Variants in CEP57L1 observed in about 807,000 individuals in gnomAD.
The protein encoded by CEP57L1 is centrosomal protein CEP57L1.
In CEP57L1, 37 loss-of-function variants were observed where a neutral mutation model predicts 61.0. The ratio of observed to expected loss-of-function variants is 0.61; its 90% CI spans 0.47 to 0.80. CEP57L1 has a LOEUF of 0.80. Ranked by LOEUF, CEP57L1 falls within the 30% of genes least tolerant of loss-of-function variation. The pLI is 0.00. For missense variants in CEP57L1, 422 were observed against 524.7 expected, an observed-to-expected ratio of 0.80 and a Z score of 1.91; for synonymous variants, 137 against 162.3, an observed-to-expected ratio of 0.84 and a Z score of 1.19.
intron 1 of CEP57L1, chr6:109,129,363 A>G: frequency 3.2e-6 from 4 of 1,236,254 alleles, no homozygotes; most frequent in Non-Finnish European, 4.2e-6. Context: ...CATTCTGGGA[A>G]CTGATCAGTC....
At chr6:109,129,383 C>G (rs1773933379) in intron 1 of CEP57L1, 1 of 1,162,604 alleles carries the variant, frequency 8.6e-7, no homozygotes, top group African/African-American at 1.6e-5. Flanking sequence ...CTTCCAGCTT[C>G]CAGTGTGGTG....
chr6:109,106,201 CT>C (rs753405104), intron 1 of CEP57L1: 8 of 152,198 alleles, frequency 5.3e-5, no homozygotes, highest in Admixed American at 2.6e-4. Context: ...ATCCCCACCC[CT>C]AACCCAGGTC....
At position 109,168,271 on chromosome 6, in the gene CEP57L1, A is replaced by G. The variant is rs1216620621; in HGVS notation, c.*5301A>G. ...TCAAAATGCCGGCCATAGCCAGTCT[A>G]TAATCCAATTCAAAGGCATGAGTGG... On this transcript the variant is annotated 3_prime_UTR_variant, in exon 11 of 11. Coordinates refer to ENST00000517392, the MANE Select transcript of CEP57L1 (RefSeq NM_001271852.3). Among the ~76,000 whole-genome samples, 2 of 152,232 alleles carry G rather than the reference A, an allele frequency of 1.3e-5. No homozygotes were observed. Among genetic ancestry groups the G allele is most frequent in the Admixed American group, 6.5e-5 (1 of 15,282 alleles).
At position 109,108,303 on chromosome 6, in the gene CEP57L1, C is replaced by T. The variant is rs186229852; in HGVS notation, c.-4+12728C>T. On this transcript the variant is annotated intron_variant, in intron 1 of 10. Transcript: ENST00000517392. ...TCACCCAGGGTGGAGTGCAGTGGCG[C>T]GATCTCAGCTCACTGCAACCTCTGC... 4.9e-3 allele frequency among the ~76,000 whole-genome samples: 740 copies of T among 150,852 alleles called. 4 individuals are homozygous for T. The highest frequency in any genetic ancestry group is 0.017 in the African/African-American group (685 of 41,018).
chr6:109,141,120 G>A (rs1349010807), intron 1 of CEP57L1, among the ~76,000 whole-genome samples: 1 of 151,440 alleles, frequency 6.6e-6, no homozygotes, highest in Non-Finnish European at 1.5e-5. Flanking sequence ...ATGAGCCACC[G>A]CGCCCAGCTG....
intron 1 of CEP57L1, among the ~76,000 whole-genome samples, chr6:109,096,783 C>T (rs559515250): frequency 5.7e-4 from 87 of 152,256 alleles, no homozygotes; most frequent in Middle Eastern, 6.8e-3. Flanking sequence ...AAAACCATTC[C>T]GTTTTCATCT....
chr6:109,098,890 G>C (rs944132037), intron 1 of CEP57L1, among the ~76,000 whole-genome samples: 2 of 152,292 alleles, frequency 1.3e-5, no homozygotes, highest in South Asian at 4.1e-4. Flanking sequence ...TAATAATCCA[G>C]GTGACAGAAT....
chr6:109,135,004 A>T (rs983982919), intron 1 of CEP57L1, among the ~76,000 whole-genome samples: 1 of 152,194 alleles, frequency 6.6e-6, no homozygotes, highest in African/African-American at 2.4e-5. Flanking sequence ...TAATTTATAG[A>T]TTCAATGCCA....
In CEP57L1 at chr6:109,162,807, A is replaced by G. The variant is rs1453780035; in HGVS notation, c.1220A>G (p.Gln407Arg). Residue 407 changes from glutamine to arginine, a missense_variant, in exon 11 of 11, where the codon CAG (glutamine) becomes CGG (arginine). Physicochemically the swap from Gln to Arg is conservative, Grantham distance 43. Transcript: ENST00000517392. ...AAGATGAGTGAAGCTTCAGGTATTC[A>G]GCAAGAAGACAGCTACCCTAAAGGA... ...NSKMSEASGI[Q>R]QEDSYPKGSK... 1.2e-6 allele frequency: 2 copies of G among 1,613,446 alleles called. No homozygotes were observed. The highest frequency in any genetic ancestry group is 3.3e-5 in the Admixed American group (2 of 59,988).
intron 4 of CEP57L1, among the ~76,000 whole-genome samples, chr6:109,151,849 G>A (rs887668829): frequency 6.6e-6 from 1 of 152,132 alleles, no homozygotes; most frequent in African/African-American, 2.4e-5. Flanking sequence ...GGATCTCATA[G>A]TTTCTAATCA....
At chr6:109,096,648 G>C (rs1194148652) in intron 1 of CEP57L1, among the ~76,000 whole-genome samples, 1 of 152,126 alleles carries the variant, frequency 6.6e-6, no homozygotes, top group Admixed American at 6.5e-5. Flanking sequence ...AGCTATTTTT[G>C]AATAGATGCA....
At chr6:109,153,307 T>G (rs970601839) in intron 4 of CEP57L1, among the ~76,000 whole-genome samples, 6 of 140,894 alleles carry the variant, frequency 4.3e-5, no homozygotes, top group African/African-American at 1.6e-4. Context: ...GGTAGCACAG[T>G]CACTGCTTAC....
rs59562316 is a variant in CEP57L1, at chr6:109,152,636, CGT to C, written c.463-1154_463-1153del. ...ACAAAATAGCATATAGATGTGCGTG[CGT>C]GTGTGTGTGTGTGTGTGTGTGTGTG... On this transcript the variant is annotated intron_variant, in intron 4 of 10. Coordinates refer to ENST00000517392, the MANE Select transcript of CEP57L1 (RefSeq NM_001271852.3). Among the ~76,000 whole-genome samples, 367 of 145,192 alleles carry C rather than the reference CGT, an allele frequency of 2.5e-3. 1 individual carries two copies. The highest frequency in any genetic ancestry group is 7.3e-3 in the African/African-American group (290 of 39,622).
At chr6:109,150,814 A>C (rs186622777) in intron 4 of CEP57L1, among the ~76,000 whole-genome samples, 1 of 152,270 alleles carries the variant, frequency 6.6e-6, no homozygotes, top group African/African-American at 2.4e-5. Context: ...AAAAGAAAAT[A>C]AGTACTGGTC....
At position 109,104,629 on chromosome 6, in the gene CEP57L1, C is replaced by T. The variant is rs149429004; in HGVS notation, c.-4+9054C>T. Among the ~76,000 whole-genome samples the T allele has an allele frequency of 1.1e-3, 164 of 152,196 alleles. 1 individual carries two copies. The highest frequency in any genetic ancestry group is 3.5e-3 in the African/African-American group (145 of 41,520). ...CAGAATCCCACTCTGTTGCCCAGAC[C>T]AGAGTGCAGTGGCACAATCACAGCC... On this transcript the variant is annotated intron_variant, in intron 1 of 10. Coordinates refer to ENST00000517392, the MANE Select transcript of CEP57L1 (RefSeq NM_001271852.3).
intron 1 of CEP57L1, among the ~76,000 whole-genome samples, chr6:109,123,897 C>T (rs565371825): frequency 1.3e-4 from 19 of 151,998 alleles, no homozygotes; most frequent in Non-Finnish European, 2.2e-4. Flanking sequence ...GGCGAAACCC[C>T]GTCTTTATTA....
intron 1 of CEP57L1, among the ~76,000 whole-genome samples, chr6:109,134,560 C>T (rs1464461292): frequency 6.6e-6 from 1 of 151,964 alleles, no homozygotes; most frequent in African/African-American, 2.4e-5. Context: ...AAGTTCTGGC[C>T]AGGGCAATCA....
At chr6:109,136,980 G>C (rs768427225) in intron 1 of CEP57L1, among the ~76,000 whole-genome samples, 10 of 151,868 alleles carry the variant, frequency 6.6e-5, no homozygotes, top group Non-Finnish European at 4.4e-5. Context: ...TGAACTCCTG[G>C]GGTCTCAAGC....
chr6:109,142,758 G>A (rs1184404701), intron 1 of CEP57L1, among the ~76,000 whole-genome samples: 2 of 152,034 alleles, frequency 1.3e-5, no homozygotes, highest in African/African-American at 4.8e-5. Context: ...GTTACCAACA[G>A]CTAGCTAAGT....
Sources: allele counts gnomAD v4.1 joint callset (sites outside exome capture counted in the v4.1 genomes callset), GRCh38; gene constraint gnomAD v4.1.1; transcripts MANE v1.5; gene names NCBI Gene and HGNC (gene_info 2026-07-23, HGNC 2026-07-21).